The following CLDN14 variants were observed in gnomAD, a reference collection of about 807,000 sequenced individuals.
The protein encoded by CLDN14 is claudin 14.
Under a neutral mutation model 2.1 loss-of-function variants are expected in CLDN14, and 2 were observed. That is an observed-to-expected ratio of 0.96 (90% CI 0.39 to 3.01). The LOEUF is 3.01. Among genes scored for constraint, CLDN14 ranks in the 30% most tolerant of loss-of-function variants. The pLI, the probability that CLDN14 is intolerant of heterozygous loss-of-function variation, is 0.09. For synonymous variants in CLDN14, 136 were observed against 154.4 expected, an observed-to-expected ratio of 0.88 and a Z score of 0.88; for missense variants, 298 against 328.0, an observed-to-expected ratio of 0.91 and a Z score of 0.71.
chr21:36,498,211 G>T lies in CLDN14; in HGVS notation c.-82+12152C>A, dbSNP rs145078249. Among the ~76,000 whole-genome samples, 1,188 of 152,234 alleles carry T rather than the reference G, an allele frequency of 7.8e-3. 21 individuals carry two copies. The highest frequency in any genetic ancestry group is 0.028 in the African/African-American group (1,154 of 41,528). On this transcript the variant is annotated intron_variant, in intron 2 of 2. Coordinates refer to the CLDN14 transcript ENST00000342108. This position sits in a 1 kb window ranked among gnomAD's most constrained non-coding sequence, Gnocchi z 4.9. Reference sequence around the variant, plus strand: ...AGATGGGGTTTTGCCATATTGGCCAGGCTGGTGTCGAACTCCTGACCTCAG... The same window carrying T: ...AGATGGGGTTTTGCCATATTGGCCATGCTGGTGTCGAACTCCTGACCTCAG...
intron 2 of CLDN14, among the ~76,000 whole-genome samples, chr21:36,509,594 T>TA (rs1568864016): frequency 6.6e-6 from 1 of 151,944 alleles, no homozygotes; most frequent in Non-Finnish European, 1.5e-5. Flanking sequence ...TGCTTTTATT[T>TA]TTTATTTATT....
chr21:36,468,238 T>C (rs1414068233), intron 1 of CLDN14, among the ~76,000 whole-genome samples: 2 of 152,194 alleles, frequency 1.3e-5, no homozygotes, highest in African/African-American at 4.8e-5. Flanking sequence ...ATGTCCTCAC[T>C]GTCACCCCAA....
At chr21:36,511,234 T>A (rs969667879) in intron 1 of CLDN14, among the ~76,000 whole-genome samples, 1 of 152,146 alleles carries the variant, frequency 6.6e-6, no homozygotes, top group African/African-American at 2.4e-5. Flanking sequence ...TTTTTCTAAG[T>A]GAGCAGGTGT....
rs1419095779 is a variant in CLDN14 at position 36,567,839 on chromosome 21, T to A, written c.-220+8572A>T. Among the ~76,000 whole-genome samples the A allele has an allele frequency of 2.0e-5, 3 of 149,776 alleles. No homozygotes were observed. The East Asian group carries it at 5.8e-4, about 29-fold the overall frequency. On this transcript the variant is annotated intron_variant, in intron 1 of 2. Coordinates refer to the CLDN14 transcript ENST00000342108. ...CATTTCCTAGGATAAGCCAAAGTCA[T>A]TCATTTTTTTTTTCATACATTTGTT...
chr21:36,571,740 C>G (rs2087711503), intron 1 of CLDN14, among the ~76,000 whole-genome samples: 2 of 152,120 alleles, frequency 1.3e-5, no homozygotes, highest in African/African-American at 4.8e-5. Context: ...TTGATGGAGA[C>G]AAGCCCTGCC....
intron 1 of CLDN14, among the ~76,000 whole-genome samples, chr21:36,525,878 G>T (rs146570763): frequency 4.4e-4 from 67 of 152,290 alleles, no homozygotes; most frequent in African/African-American, 1.6e-3. Flanking sequence ...GGGTTTTAAA[G>T]ACTTGAGAGG....
intron 1 of CLDN14, among the ~76,000 whole-genome samples, chr21:36,523,114 A>G (rs1379027354): frequency 6.6e-6 from 1 of 152,156 alleles, no homozygotes; most frequent in African/African-American, 2.4e-5. Context: ...AGTGTCAGGG[A>G]GCAAGCTTGA....
chr21:36,493,989 G>A (rs2086992613), intron 2 of CLDN14, among the ~76,000 whole-genome samples: 1 of 152,220 alleles, frequency 6.6e-6, no homozygotes, highest in Non-Finnish European at 1.5e-5. Flanking sequence ...AATCCCACTA[G>A]ATCTTGGGGG....
At chr21:36,480,241 G>A (rs1243025789), upstream of CLDN14, 2 of 152,350 alleles carry the variant, frequency 1.3e-5, 1 homozygote, top group East Asian at 3.9e-4. Context: ...CTGCAGCTGT[G>A]GGTGATTCGG....
chr21:36,493,671 A>G (rs1423664485), intron 2 of CLDN14, among the ~76,000 whole-genome samples: 1 of 152,112 alleles, frequency 6.6e-6, no homozygotes, highest in Non-Finnish European at 1.5e-5. Flanking sequence ...AGTCTCTCTC[A>G]CAGCTAACAT....
intron 1 of CLDN14, among the ~76,000 whole-genome samples, chr21:36,574,549 G>A (rs1236369244): frequency 6.6e-6 from 1 of 152,116 alleles, no homozygotes; most frequent in Non-Finnish European, 1.5e-5. Context: ...GAAAGTGATG[G>A]GGGAGAGGAA....
intron 2 of CLDN14, among the ~76,000 whole-genome samples, chr21:36,505,372 C>G (rs2087123475): frequency 6.6e-6 from 1 of 152,086 alleles, no homozygotes; most frequent in Admixed American, 6.6e-5. Flanking sequence ...TGCAGACAGC[C>G]CACCCCAAGC....
Position 36,536,656 on chromosome 21 carries a change from A to G in CLDN14, c.-219-26156T>C, listed in dbSNP as rs118031181. Among the ~76,000 whole-genome samples the G allele has an allele frequency of 1.4e-3, 207 of 152,348 alleles. 5 individuals are homozygous for G. In the East Asian group the frequency reaches 0.039, roughly 29 times the overall value. On this transcript the variant is annotated intron_variant, in intron 1 of 2. Transcript: ENST00000342108. ...AATTTTGCGTTTAGTTATACGAACG[A>G]CACTAATGTGTTTATAGCACCTCTA...
intron 1 of CLDN14, among the ~76,000 whole-genome samples, chr21:36,512,128 C>G (rs541372895): frequency 6.6e-6 from 1 of 152,154 alleles, no homozygotes; most frequent in East Asian, 1.9e-4. Flanking sequence ...GGTAGCTGAG[C>G]GCTCTAAATT....
intron 2 of CLDN14, among the ~76,000 whole-genome samples, chr21:36,502,935 C>T (rs551034049): frequency 1.3e-5 from 2 of 152,348 alleles, no homozygotes; most frequent in African/African-American, 4.8e-5. Context: ...ATGGGCCCCA[C>T]TCCTAGACCA....
chr21:36,530,397 C>T (rs903745663), intron 1 of CLDN14, among the ~76,000 whole-genome samples: 1 of 152,274 alleles, frequency 6.6e-6, no homozygotes, highest in African/African-American at 2.4e-5. Context: ...TCTCTAGCCT[C>T]ACCTTCATGC....
At chr21:36,486,667 T>G in intron 2 of CLDN14, 1 of 1,410,086 alleles carries the variant, frequency 7.1e-7, no homozygotes, top group Non-Finnish European at 1.0e-6. Context: ...TCACCTCCTC[T>G]TCCCCCAAAT....
intron 1 of CLDN14, among the ~76,000 whole-genome samples, chr21:36,514,901 C>T (rs73392042): frequency 0.083 from 12,559 of 152,068 alleles, 1,249 homozygotes; most frequent in African/African-American, 0.24. Flanking sequence ...AACCCAGCCC[C>T]GGGTCTTCCC....
chr21:36,464,413 G>A (rs219765), intron 1 of CLDN14, among the ~76,000 whole-genome samples: 130,902 of 152,216 alleles, frequency 0.86, 56,491 homozygotes, highest in Admixed American at 0.9. Flanking sequence ...GCTGCTTTGG[G>A]TGACTATTTG....
Sources: allele counts gnomAD v4.1 joint callset (sites outside exome capture counted in the v4.1 genomes callset), GRCh38; gene constraint gnomAD v4.1.1; non-coding constraint Gnocchi (gnomAD v3.1); transcripts MANE v1.5; gene names NCBI Gene and HGNC (gene_info 2026-07-23, HGNC 2026-07-21).